SLC36A1: variants seen among roughly 807,000 people sequenced by gnomAD.
SLC36A1 encodes solute carrier family 36 member 1.
In SLC36A1, 30 loss-of-function variants were observed where a neutral mutation model predicts 47.5. The observed-to-expected ratio is 0.63, with a 90% CI of 0.47 to 0.86. SLC36A1 has a LOEUF of 0.86. SLC36A1 is among the 40% of genes least tolerant of loss of function. The pLI, the probability that SLC36A1 is intolerant of heterozygous loss-of-function variation, is 0.00. For missense variants in SLC36A1, 517 were observed against 606.0 expected (o/e 0.85, Z 1.54); for synonymous variants, 255 against 249.7 (o/e 1.02, Z -0.20).
chr5:151,478,628 C>T (rs897409751), intron 9 of SLC36A1, among the ~76,000 whole-genome samples: 2 of 152,166 alleles, frequency 1.3e-5, no homozygotes, highest in African/African-American at 4.8e-5. Flanking sequence ...CCTGTATGCC[C>T]ATGGCAAAGA....
rs1760152569 is a variant in SLC36A1, at chr5:151,491,903, G to A, written c.*3649G>A. 3 of 152,270 alleles carry A rather than the reference G, an allele frequency of 2.0e-5. No individual in the cohort carries two copies. The highest frequency in any genetic ancestry group is 7.2e-5 in the African/African-American group (3 of 41,462). 9.4% of individuals were successfully genotyped at this position (152,270 alleles called of 1,614,324 possible). ...AAATTACGGTTAATACTTTTAGACAGTAAGTCCGGCTGGTTGCAGGGCTAT... is the reference window on the plus strand; with the variant it reads ...AAATTACGGTTAATACTTTTAGACAATAAGTCCGGCTGGTTGCAGGGCTAT... On this transcript the variant is annotated 3_prime_UTR_variant, in exon 11 of 11. Coordinates refer to ENST00000243389, the MANE Select transcript of SLC36A1 (RefSeq NM_078483.4).
intron 1 of SLC36A1, among the ~76,000 whole-genome samples, chr5:151,453,982 G>A (rs1042029909): frequency 1.5e-4 from 22 of 151,396 alleles, no homozygotes; most frequent in Admixed American, 1.4e-3. Flanking sequence ...TCTAAAAATG[G>A]CATATTTTGT....
chr5:151,472,620 G>C (rs568752540), intron 7 of SLC36A1, among the ~76,000 whole-genome samples: 8 of 152,192 alleles, frequency 5.3e-5, no homozygotes, highest in African/African-American at 1.7e-4. Context: ...CACTCCTGTT[G>C]TGTGCTTCTT....
In SLC36A1 at chr5:151,483,526, T is replaced by TG. The variant is rs373395419; in HGVS notation, c.1159+4038dup. Among the ~76,000 whole-genome samples, 189 of 140,846 alleles carry TG rather than the reference T, an allele frequency of 1.3e-3. 5 individuals are homozygous for TG. The highest frequency in any genetic ancestry group is 5.1e-3 in the African/African-American group (184 of 35,908). 92.4% of individuals were successfully genotyped at this position (140,846 alleles called of 152,430 possible). A position where few individuals can be genotyped will look rare whatever the true frequency, so the allele number is the denominator to read the frequency against. On this transcript the variant is annotated intron_variant, in intron 10 of 10. Coordinates refer to ENST00000243389, the MANE Select transcript of SLC36A1 (RefSeq NM_078483.4). The stretch of plus-strand genomic sequence containing the variant: ...GGGGTCTTTGTGTGTGTGGGGGGGG[T>TG]GATTAGGGGAGAGTAGGGAGAGGGC...
chr5:151,500,174 AT>A, the SLC36A1 span, among the ~76,000 whole-genome samples: 7 of 151,874 alleles, frequency 4.6e-5, no homozygotes, highest in Non-Finnish European at 1.0e-4. Context: ...TTTGTAATTT[AT>A]TTCGCGAACC....
the SLC36A1 span, among the ~76,000 whole-genome samples, chr5:151,522,448 T>A: frequency 1.9e-3 from 286 of 152,266 alleles, 1 homozygote; most frequent in African/African-American, 6.4e-3. Context: ...AAGGGCGCCC[T>A]CAGATGTCTC....
At chr5:151,395,966 T>C in the SLC36A1 span, among the ~76,000 whole-genome samples, 1 of 151,836 alleles carries the variant, frequency 6.6e-6, no homozygotes, top group African/African-American at 2.4e-5. Context: ...TGCACCAACA[T>C]GGCTGGTTAA....
At chr5:151,496,979 A>G (rs1236723974), downstream of SLC36A1, among the ~76,000 whole-genome samples, 2 of 152,084 alleles carry the variant, frequency 1.3e-5, no homozygotes, top group East Asian at 1.9e-4. Context: ...GTATCCTGTG[A>G]CCTTTCTGTA....
At chr5:151,401,898 C>G in the SLC36A1 span, among the ~76,000 whole-genome samples, 1 of 152,086 alleles carries the variant, frequency 6.6e-6, no homozygotes, top group African/African-American at 2.4e-5. Flanking sequence ...TTTTGGCAGT[C>G]TTTAGGGTTT....
the SLC36A1 span, chr5:151,546,433 G>T: frequency 9.3e-6 from 8 of 860,864 alleles, no homozygotes; most frequent in South Asian, 1.4e-4. Context: ...ACAAAACCTG[G>T]ACAGAGCAAA....
At chr5:151,375,740 A>G in the SLC36A1 span, among the ~76,000 whole-genome samples, 1 of 151,948 alleles carries the variant, frequency 6.6e-6, no homozygotes, top group Non-Finnish European at 1.5e-5. Context: ...TAGGTATTTT[A>G]TTTTTTGTAG....
chr5:151,369,859 A>C, the SLC36A1 span, among the ~76,000 whole-genome samples: 3 of 151,876 alleles, frequency 2.0e-5, no homozygotes, highest in Non-Finnish European at 4.4e-5. Flanking sequence ...CAGTGGTGCG[A>C]TCTCAGCTCA....
chr5:151,358,283 T>G, the SLC36A1 span, among the ~76,000 whole-genome samples: 5 of 152,058 alleles, frequency 3.3e-5, no homozygotes, highest in Non-Finnish European at 4.4e-5. Flanking sequence ...CTGTTTTTTT[T>G]TTGTTGTTGA....
chr5:151,507,795 AT>A, the SLC36A1 span, among the ~76,000 whole-genome samples: 1 of 152,122 alleles, frequency 6.6e-6, no homozygotes, highest in Non-Finnish European at 1.5e-5. Context: ...CCAGTAAAGT[AT>A]GGGTCTCAGC....
At chr5:151,540,663 C>A in the SLC36A1 span, 1 of 1,614,204 alleles carries the variant, frequency 6.2e-7, no homozygotes, top group Non-Finnish European at 8.5e-7. Flanking sequence ...TGACTCTGAG[C>A]AAGTACTTGG....
chr5:151,366,322 G>A, the SLC36A1 span: 1 of 169,386 alleles, frequency 5.9e-6, no homozygotes, highest in South Asian at 1.3e-4. Flanking sequence ...AAGGATCTTT[G>A]TTCAAACAAT....
the SLC36A1 span, among the ~76,000 whole-genome samples, chr5:151,379,483 G>A: frequency 4.6e-5 from 7 of 152,236 alleles, no homozygotes; most frequent in East Asian, 5.8e-4. Context: ...ACAGGCATGC[G>A]CCACCACACC....
rs1757869093 is a variant in SLC36A1, at chr5:151,475,106, T to C, written c.822+1335T>C. ...AGGGCTTTTCATTGCCCATGAAGAG[T>C]GTCTCACTGTAATTCAGAAACACAA... On this transcript the variant is annotated intron_variant, in intron 8 of 10. Coordinates refer to ENST00000243389, the MANE Select transcript of SLC36A1 (RefSeq NM_078483.4). Among the ~76,000 whole-genome samples the C allele has an allele frequency of 3.3e-5, 5 of 152,258 alleles. No individual in the cohort carries two copies. In the South Asian group the frequency reaches 1.0e-3, roughly 32 times the overall value.
the SLC36A1 span, chr5:151,538,041 AAGAG>A: frequency 1.5e-5 from 17 of 1,106,330 alleles, no homozygotes; most frequent in East Asian, 3.9e-4. Context: ...CAGAAGCAGA[AAGAG>A]AGACACTAAG....
Sources: allele counts gnomAD v4.1 joint callset (sites outside exome capture counted in the v4.1 genomes callset), GRCh38; gene constraint gnomAD v4.1.1; transcripts MANE v1.5; gene names NCBI Gene and HGNC (gene_info 2026-07-23, HGNC 2026-07-21).